The following MEGF11 variants were observed in gnomAD, a reference collection of about 807,000 sequenced individuals.
MEGF11 encodes multiple epidermal growth factor-like domains protein 11.
MEGF11 carries 126 observed loss-of-function variants against 146.6 expected under a neutral mutation model. The ratio of observed to expected loss-of-function variants is 0.86; its 90% confidence interval spans 0.74 to 1.00. The LOEUF (loss-of-function observed/expected upper bound fraction) is 1.00, where lower values mean the gene tolerates loss of function less well. MEGF11 is among the 50% of genes least tolerant of loss of function. The probability of loss-of-function intolerance (pLI) is 0.00; values close to 1 mark genes in which losing one functional copy is unlikely to be tolerated. For missense variants in MEGF11, 1,509 were observed against 1,521.2 expected (o/e 0.99, Z 0.13); for synonymous variants, 532 against 583.4 (o/e 0.91, Z 1.27).
At chr15:66,035,556 T>C (rs1484402754) in intron 5 of MEGF11, among the ~76,000 whole-genome samples, 1 of 152,170 alleles carries the variant, frequency 6.6e-6, no homozygotes, top group Non-Finnish European at 1.5e-5. Flanking sequence ...TTATCCAGCT[T>C]CCACCATGAA....
chr15:66,087,300 A>T (rs2086150888), intron 5 of MEGF11, among the ~76,000 whole-genome samples: 1 of 152,234 alleles, frequency 6.6e-6, no homozygotes, highest in South Asian at 2.1e-4. Context: ...CCATGGATTT[A>T]AACTACTTCC....
At chr15:66,062,000 T>A (rs1057356460) in intron 5 of MEGF11, among the ~76,000 whole-genome samples, 3 of 152,258 alleles carry the variant, frequency 2.0e-5, no homozygotes, top group African/African-American at 7.2e-5. Context: ...GCTCAAGTGA[T>A]GCTCCTGCCT....
intron 1 of MEGF11, among the ~76,000 whole-genome samples, chr15:66,210,164 T>A (rs1352516494): frequency 6.6e-6 from 1 of 152,188 alleles, no homozygotes; most frequent in Non-Finnish European, 1.5e-5. Flanking sequence ...CATGTCAATA[T>A]CCTGGTTATG....
intron 5 of MEGF11, among the ~76,000 whole-genome samples, chr15:66,047,501 CTGGGA>C (rs1567217071): frequency 2.6e-5 from 4 of 152,318 alleles, no homozygotes; most frequent in Non-Finnish European, 5.9e-5. Flanking sequence ...ACCTACAGCA[CTGGGA>C]ATAATAAACA....
rs553958680 is a variant in MEGF11 at position 66,247,763 on chromosome 15, G to A, written c.-9+5842C>T. ...TAAAAAAAAGATGGTTCAGCCGGGC[G>A]CAGTGGCTCACACCTGTAATCCCAG... On this transcript the variant is annotated intron_variant, in intron 1 of 25. Coordinates refer to ENST00000395614, the MANE Select transcript of MEGF11 (RefSeq NM_001385028.1). Among the ~76,000 whole-genome samples the A allele has an allele frequency of 3.9e-5, 6 of 152,156 alleles. No individual in the cohort carries two copies. The South Asian group carries it at 1.0e-3, about 26-fold the overall frequency.
intron 5 of MEGF11, among the ~76,000 whole-genome samples, chr15:66,005,838 C>A (rs756239785): frequency 6.6e-6 from 1 of 152,182 alleles, no homozygotes; most frequent in Non-Finnish European, 1.5e-5. Flanking sequence ...CCTGGCTCAG[C>A]CACTAACATG....
intron 6 of MEGF11, 33 bp from the exon 7 acceptor site, chr15:65,980,931 A>C: frequency 6.5e-7 from 1 of 1,531,536 alleles, no homozygotes; most frequent in African/African-American, 1.4e-5. Context: ...TAGACACAGC[A>C]GCATTCAGAT....
chr15:66,024,535 T>C (rs1280206650), intron 5 of MEGF11, among the ~76,000 whole-genome samples: 1 of 152,258 alleles, frequency 6.6e-6, no homozygotes, highest in East Asian at 1.9e-4. Flanking sequence ...ACACATTGAC[T>C]GTGTGTCAGG....
chr15:65,998,703 G>A (rs1359621799), intron 5 of MEGF11, among the ~76,000 whole-genome samples: 1 of 152,116 alleles, frequency 6.6e-6, no homozygotes, highest in South Asian at 2.1e-4. Context: ...CAGGAGGTTC[G>A]GGGGTGTGGG....
chr15:66,237,031 G>T (rs1421040869), intron 1 of MEGF11, among the ~76,000 whole-genome samples: 1 of 152,092 alleles, frequency 6.6e-6, no homozygotes, highest in East Asian at 1.9e-4. Flanking sequence ...CACCATCCAG[G>T]CACCCCGGGC....
At chr15:66,248,353 T>C (rs141235229) in intron 1 of MEGF11, among the ~76,000 whole-genome samples, 1 of 152,354 alleles carries the variant, frequency 6.6e-6, no homozygotes, top group East Asian at 1.9e-4. Context: ...ATTCAGCTTC[T>C]CTGTCACTTG....
At chr15:66,220,660 C>G (rs1377517756) in intron 1 of MEGF11, among the ~76,000 whole-genome samples, 2 of 147,554 alleles carry the variant, frequency 1.4e-5, no homozygotes, top group African/African-American at 5.2e-5. Context: ...ACCTCAGCCT[C>G]CAGAGTAGCT....
chr15:66,087,702 C>G (rs2086165988), intron 5 of MEGF11, among the ~76,000 whole-genome samples: 1 of 152,134 alleles, frequency 6.6e-6, no homozygotes, highest in Non-Finnish European at 1.5e-5. Flanking sequence ...GCCCTAAACG[C>G]CTTCATCAAA....
intron 13 of MEGF11, among the ~76,000 whole-genome samples, chr15:65,924,733 A>G (rs544075820): frequency 1.2e-4 from 18 of 151,312 alleles, no homozygotes; most frequent in African/African-American, 3.2e-4. Context: ...GGTTCAAGCA[A>G]TTCTGCTTCA....
At chr15:66,058,081 C>T (rs1481434542) in intron 5 of MEGF11, among the ~76,000 whole-genome samples, 3 of 151,970 alleles carry the variant, frequency 2.0e-5, no homozygotes, top group African/African-American at 7.3e-5. Flanking sequence ...AGGGTGCACA[C>T]TGAGGCTTAA....
chr15:66,170,749 T>C (rs2090228376), intron 1 of MEGF11, among the ~76,000 whole-genome samples: 1 of 152,106 alleles, frequency 6.6e-6, no homozygotes, highest in Non-Finnish European at 1.5e-5. Context: ...TGAGGTGGGC[T>C]GCTGAAGACC....
At chr15:65,974,357 G>C (rs775168137) in intron 7 of MEGF11, among the ~76,000 whole-genome samples, 24 of 152,242 alleles carry the variant, frequency 1.6e-4, no homozygotes, top group African/African-American at 5.8e-4. Flanking sequence ...GTGAGAAAAG[G>C]GGAGAGAAGA....
rs2090756774 is a variant in MEGF11 at position 66,187,961 on chromosome 15, A to G, written c.-8-59550T>C. ...ATAAAGGGGTATCTCGTCTGCAACT[A>G]TCAAGCAGTTCAAGTATACACGCAT... On this transcript the variant is annotated intron_variant, in intron 1 of 25. Transcript: ENST00000395614. Among the ~76,000 whole-genome samples the G allele has an allele frequency of 3.3e-5, 5 of 152,216 alleles. No homozygotes were observed. In the South Asian group the frequency reaches 1.0e-3, roughly 31 times the overall value.
At chr15:66,250,912 A>T (rs1220353335) in intron 1 of MEGF11, among the ~76,000 whole-genome samples, 1 of 152,132 alleles carries the variant, frequency 6.6e-6, no homozygotes, top group Non-Finnish European at 1.5e-5. Context: ...CAAAAAAAAA[A>T]GAATGAAAAA....
Sources: allele counts gnomAD v4.1 joint callset (sites outside exome capture counted in the v4.1 genomes callset), GRCh38; gene constraint gnomAD v4.1.1; transcripts MANE v1.5; gene names NCBI Gene and HGNC (gene_info 2026-07-23, HGNC 2026-07-21).